The following ADAMTS16 variants were observed in gnomAD, a reference collection of about 807,000 sequenced individuals.
ADAMTS16 encodes ADAM metallopeptidase with thrombospondin type 1 motif 16.
A neutral mutation model predicts 145.8 loss-of-function variants in ADAMTS16; 94 were observed. The observed-to-expected ratio is 0.64, with a 90% CI of 0.55 to 0.77. ADAMTS16 has a LOEUF of 0.77. ADAMTS16 is among the 30% of genes least tolerant of loss of function. The pLI is 0.00. For synonymous variants in ADAMTS16, 659 were observed against 604.3 expected (o/e 1.09, Z -1.33); for missense variants, 1,585 against 1,591.5 (o/e 1.00, Z 0.07).
chr5:5,248,116 T>C (rs1047727950), intron 17 of ADAMTS16, among the ~76,000 whole-genome samples: 2 of 152,210 alleles, frequency 1.3e-5, no homozygotes, highest in African/African-American at 2.4e-5. Flanking sequence ...CACCGTCTGG[T>C]TTTCCATGTA....
chr5:5,199,878 C>T (rs750380182), intron 8 of ADAMTS16, among the ~76,000 whole-genome samples: 22 of 152,322 alleles, frequency 1.4e-4, no homozygotes, highest in Non-Finnish European at 2.2e-4. Context: ...CCATTCAATA[C>T]GCAGGCATCT....
intron 17 of ADAMTS16, among the ~76,000 whole-genome samples, chr5:5,252,025 A>T (rs575182963): frequency 6.6e-6 from 1 of 151,970 alleles, no homozygotes; most frequent in Admixed American, 6.6e-5. Flanking sequence ...TACTTTTTGT[A>T]TTTTTAGTAG....
intron 18 of ADAMTS16, among the ~76,000 whole-genome samples, chr5:5,293,892 A>T (rs1185008643): frequency 1.3e-5 from 2 of 152,174 alleles, no homozygotes; most frequent in Non-Finnish European, 2.9e-5. Context: ...TTACTCTAAC[A>T]GCTGAGGGGC....
At chr5:5,173,178 G>GT (rs71604109) in intron 3 of ADAMTS16, among the ~76,000 whole-genome samples, 39,936 of 142,464 alleles carry the variant, frequency 0.28, 6,255 homozygotes, top group Non-Finnish European at 0.37. Flanking sequence ...ATTGGGTCTT[G>GT]TTTTTTTTTT....
chr5:5,145,482 G>C (rs907400068), intron 2 of ADAMTS16, among the ~76,000 whole-genome samples: 1 of 152,188 alleles, frequency 6.6e-6, no homozygotes, highest in Non-Finnish European at 1.5e-5. Flanking sequence ...ATTTACACCA[G>C]GGAAATTGGC....
intron 11 of ADAMTS16, among the ~76,000 whole-genome samples, chr5:5,227,504 AC>A: frequency 7.3e-6 from 1 of 136,100 alleles, no homozygotes; most frequent in Admixed American, 7.9e-5. Flanking sequence ...TAGATCTAAT[AC>A]TGTGTGTGTG....
chr5:5,242,693 A>G (rs1166668436), intron 17 of ADAMTS16, among the ~76,000 whole-genome samples: 2 of 152,212 alleles, frequency 1.3e-5, no homozygotes, highest in Non-Finnish European at 2.9e-5. Context: ...TGAAAACATC[A>G]AGAAAAAAAC....
chr5:5,298,981 A>G (rs1739658232), intron 18 of ADAMTS16, among the ~76,000 whole-genome samples: 1 of 151,988 alleles, frequency 6.6e-6, no homozygotes, highest in African/African-American at 2.4e-5. Context: ...GATGCTGAAG[A>G]GGCACCGCCT....
chr5:5,271,922 A>G (rs747684460), intron 18 of ADAMTS16, among the ~76,000 whole-genome samples: 1 of 152,126 alleles, frequency 6.6e-6, no homozygotes, highest in African/African-American at 2.4e-5. Context: ...ACCAAGATAC[A>G]TGGGTCCGTA....
chr5:5,227,887 C>T (rs145382288), intron 11 of ADAMTS16, among the ~76,000 whole-genome samples: 94 of 152,152 alleles, frequency 6.2e-4, no homozygotes, highest in Non-Finnish European at 1.0e-3. Flanking sequence ...GATAAACACC[C>T]CATGGAATAT....
At chr5:5,211,610 G>T (rs150792970) in intron 10 of ADAMTS16, among the ~76,000 whole-genome samples, 1 of 151,530 alleles carries the variant, frequency 6.6e-6, no homozygotes, top group South Asian at 2.1e-4. Flanking sequence ...TGTCTTTTTC[G>T]TGCCCTTTGA....
chr5:5,237,395 G>A (rs1417684458), intron 14 of ADAMTS16, among the ~76,000 whole-genome samples: 2 of 152,174 alleles, frequency 1.3e-5, no homozygotes, highest in Admixed American at 1.3e-4. Context: ...CTGAAAGGGT[G>A]AGTTGGAAGA....
At chr5:5,171,252 T>C (rs1356206822) in intron 3 of ADAMTS16, among the ~76,000 whole-genome samples, 2 of 152,248 alleles carry the variant, frequency 1.3e-5, no homozygotes, top group Non-Finnish European at 2.9e-5. Flanking sequence ...CTAATTTGAA[T>C]GCCCTTTCTT....
In ADAMTS16 at chr5:5,239,859, A is replaced by G. The variant is rs1005448734; in HGVS notation, c.2457A>G (p.Arg819=). The change falls in exon 16 of 23, where the codon AGA becomes AGG. Residue 819 remains arginine (R), a synonymous_variant. Transcript: ENST00000274181. ...YKFSGTTFDY[R]RSYNEPENLI... Reference sequence around the variant, plus strand: ...TTTCGGGCACTACTTTCGACTACAGACGGTCCTATAATGAGCCCGAGAACT... The same window carrying G: ...TTTCGGGCACTACTTTCGACTACAGGCGGTCCTATAATGAGCCCGAGAACT... 1 of 1,614,082 alleles carries G rather than the reference A, an allele frequency of 6.2e-7. No individual in the cohort carries two copies. Among genetic ancestry groups the G allele is most frequent in the Non-Finnish European group, 8.5e-7 (1 of 1,180,028 alleles).
chr5:5,252,770 A>T (rs528976358), intron 17 of ADAMTS16, among the ~76,000 whole-genome samples: 5 of 152,232 alleles, frequency 3.3e-5, no homozygotes, highest in African/African-American at 1.2e-4. Flanking sequence ...CTGCGTGTAC[A>T]CCAGGCAGTT....
chr5:5,207,737 T>A (rs1223057819), intron 9 of ADAMTS16, among the ~76,000 whole-genome samples: 1 of 151,532 alleles, frequency 6.6e-6, no homozygotes, highest in African/African-American at 2.4e-5. Context: ...CATGAATGAG[T>A]GTTAAATTTT....
intron 10 of ADAMTS16, among the ~76,000 whole-genome samples, chr5:5,215,882 ATATATATATATAT>A (rs1197692216): frequency 1.5e-5 from 1 of 65,734 alleles, no homozygotes; most frequent in African/African-American, 4.3e-5. Context: ...ATATATATAT[ATATATATATATAT>A]ATATATATAT....
intron 17 of ADAMTS16, among the ~76,000 whole-genome samples, chr5:5,258,149 G>A (rs1184788669): frequency 1.1e-4 from 17 of 152,310 alleles, no homozygotes; most frequent in Admixed American, 9.8e-4. Flanking sequence ...AATGACATCG[G>A]AATGATTGAT....
At chr5:5,284,015 ACTT>A (rs1560987008) in intron 18 of ADAMTS16, among the ~76,000 whole-genome samples, 1 of 152,060 alleles carries the variant, frequency 6.6e-6, no homozygotes, top group Non-Finnish European at 1.5e-5. Flanking sequence ...ATCTAAGTTT[ACTT>A]CTTATTTGAA....
Sources: allele counts gnomAD v4.1 joint callset (sites outside exome capture counted in the v4.1 genomes callset), GRCh38; gene constraint gnomAD v4.1.1; transcripts MANE v1.5; gene names NCBI Gene and HGNC (gene_info 2026-07-23, HGNC 2026-07-21).